MEIS2: variants seen among roughly 807,000 people sequenced by gnomAD.
MEIS2 encodes Meis homeobox 2.
Under a neutral mutation model 58.6 loss-of-function variants are expected in MEIS2, and 9 were observed. The observed-to-expected ratio is 0.15, with a 90% confidence interval of 0.09 to 0.27. MEIS2 has a LOEUF of 0.27. MEIS2 is among the 10% of genes least tolerant of loss of function. The pLI is 1.00. For missense variants in MEIS2, 427 were observed against 635.0 expected (o/e 0.67, Z 3.52); for synonymous variants, 221 against 228.4 (o/e 0.97, Z 0.29).
At chr15:36,971,553 A>AAAAG (rs2059568891) in intron 8 of MEIS2, among the ~76,000 whole-genome samples, 1 of 131,994 alleles carries the variant, frequency 7.6e-6, no homozygotes, top group African/African-American at 3.4e-5. Context: ...AAAAAAAAAA[A>AAAAG]AAAAAAAAAA....
At chr15:36,994,400 G>C (rs772427184) in intron 8 of MEIS2, among the ~76,000 whole-genome samples, 4 of 152,098 alleles carry the variant, frequency 2.6e-5, no homozygotes, top group African/African-American at 4.8e-5. Context: ...TAATTGGTCG[G>C]ATAGTCTTAG....
rs112264829 is a variant in MEIS2, at chr15:37,042,246, C to G, written c.755-5287G>C. On this transcript the variant is annotated intron_variant, in intron 7 of 11. Transcript: ENST00000561208. ...AGCCAAAAATCTTTATTTTGAATAT[C>G]AAGCACATGATTTGGAATGAAAAAA... Among the ~76,000 whole-genome samples the G allele has an allele frequency of 2.5e-3, 385 of 152,284 alleles. 2 individuals carry two copies. The highest frequency in any genetic ancestry group is 8.8e-3 in the African/African-American group (366 of 41,550).
chr15:36,959,623 C>T (rs1409720387), intron 8 of MEIS2, among the ~76,000 whole-genome samples: 4 of 152,074 alleles, frequency 2.6e-5, no homozygotes, highest in Non-Finnish European at 5.9e-5. Flanking sequence ...CACAAAGAGG[C>T]AGAAAATACC....
intron 7 of MEIS2, among the ~76,000 whole-genome samples, chr15:37,061,531 T>C (rs1025998329): frequency 6.6e-6 from 1 of 152,208 alleles, no homozygotes; most frequent in African/African-American, 2.4e-5. Context: ...GTTGCAGAGG[T>C]AGCCGCACTA....
At chr15:36,905,168 G>A (rs745734416) in intron 9 of MEIS2, among the ~76,000 whole-genome samples, 2 of 151,564 alleles carry the variant, frequency 1.3e-5, no homozygotes, top group East Asian at 1.9e-4. Flanking sequence ...ATAAGGACAC[G>A]CACAGACACA....
intron 7 of MEIS2, among the ~76,000 whole-genome samples, chr15:37,052,742 A>G (rs2062974548): frequency 6.6e-6 from 1 of 152,232 alleles, no homozygotes; most frequent in Non-Finnish European, 1.5e-5. Flanking sequence ...ACATAAGAAA[A>G]ATGAAAATAG....
rs374912254 is a variant in MEIS2 at position 36,911,543 on chromosome 15, A to C, written c.978-14857T>G. Among the ~76,000 whole-genome samples the C allele has an allele frequency of 4.1e-4, 62 of 152,298 alleles. 2 individuals are homozygous for C. In the South Asian group the frequency reaches 0.012, roughly 29 times the overall value. Reference sequence around the variant, plus strand: ...AGTGCTGCTTTGGATAATGTATAGCAATGTACATCAAACACTCCCAATCAA... The same window carrying C: ...AGTGCTGCTTTGGATAATGTATAGCCATGTACATCAAACACTCCCAATCAA... On this transcript the variant is annotated intron_variant, in intron 9 of 11. Coordinates refer to ENST00000561208, the MANE Select transcript of MEIS2 (RefSeq NM_170675.5).
intron 9 of MEIS2, among the ~76,000 whole-genome samples, chr15:36,943,926 C>A (rs2058465172): frequency 6.6e-6 from 1 of 151,976 alleles, no homozygotes; most frequent in South Asian, 2.1e-4. Context: ...TAGCTGCTTG[C>A]CCAAATTTGG....
At chr15:36,991,783 CTTTTTTTTTTT>C (rs11285545) in intron 8 of MEIS2, among the ~76,000 whole-genome samples, 94 of 51,042 alleles carry the variant, frequency 1.8e-3, no homozygotes, top group African/African-American at 6.0e-3. Flanking sequence ...TTTTTTTTTT[CTTTTTTTTTTT>C]TTTTTTTTTT....
At chr15:37,096,173 G>A (rs998411651) in intron 3 of MEIS2, 116 bp downstream of exon 3, 32 of 1,178,492 alleles carry the variant, frequency 2.7e-5, no homozygotes, top group Non-Finnish European at 3.5e-5. Flanking sequence ...AGAGCGGACT[G>A]GGCCAGAGGA....
chr15:36,901,109 A>C (rs2056447785), intron 9 of MEIS2: 1 of 152,264 alleles, frequency 6.6e-6, no homozygotes, highest in Non-Finnish European at 1.5e-5. Context: ...CGTTGAAGAG[A>C]GATCAGATCA....
chr15:36,894,798 T>G, intron 11 of MEIS2: 1 of 1,613,082 alleles, frequency 6.2e-7, no homozygotes, highest in South Asian at 1.1e-5. Flanking sequence ...TTCATGCCCA[T>G]TCCACTCATA....
intron 7 of MEIS2, among the ~76,000 whole-genome samples, chr15:37,044,143 A>T (rs1274370894): frequency 6.6e-6 from 1 of 152,206 alleles, no homozygotes; most frequent in African/African-American, 2.4e-5. Flanking sequence ...GACTCAAAGA[A>T]ATTAGATGAC....
chr15:36,890,493 T>C lies in MEIS2; in HGVS notation c.*1680A>G, dbSNP rs1478901935. The C allele has an allele frequency of 2.0e-5, 3 of 152,044 alleles. No homozygotes were observed. The highest frequency in any genetic ancestry group is 4.8e-5 in the African/African-American group (2 of 41,448). The allele number at this position is 152,044 out of a possible 1,614,324, so 9.4% of individuals were successfully genotyped here. A position where few individuals can be genotyped will look rare whatever the true frequency, so the allele number is the denominator to read the frequency against. On this transcript the variant is annotated 3_prime_UTR_variant, in exon 12 of 12. Transcript: ENST00000561208. The stretch of plus-strand genomic sequence containing the variant: ...ATATACCACAATATAATTTATAAAA[T>C]ATTAATGATTAAGTAATCTTTTAAA...
chr15:36,951,643 T>A (rs2058752409), intron 8 of MEIS2, among the ~76,000 whole-genome samples: 2 of 150,678 alleles, frequency 1.3e-5, no homozygotes, highest in African/African-American at 2.4e-5. Flanking sequence ...GCAAAAGGGG[T>A]TAACTAGATT....
chr15:37,052,263 A>C (rs983547553), intron 7 of MEIS2, among the ~76,000 whole-genome samples: 1 of 152,220 alleles, frequency 6.6e-6, no homozygotes, highest in East Asian at 1.9e-4. Flanking sequence ...TAAGGATGAA[A>C]TGGAAGTAAC....
At chr15:36,917,876 C>T (rs897534466) in intron 9 of MEIS2, among the ~76,000 whole-genome samples, 12 of 152,156 alleles carry the variant, frequency 7.9e-5, no homozygotes, top group Non-Finnish European at 1.5e-5. Context: ...CCTCGCTTTG[C>T]TTATCTCATC....
intron 7 of MEIS2, among the ~76,000 whole-genome samples, chr15:37,050,110 G>T (rs1267880992): frequency 6.6e-6 from 1 of 151,962 alleles, no homozygotes; most frequent in South Asian, 2.1e-4. Context: ...CAATTCTATT[G>T]CATCACAGCA....
intron 9 of MEIS2, among the ~76,000 whole-genome samples, chr15:36,908,964 AAAC>A (rs1196814772): frequency 3.9e-5 from 6 of 152,120 alleles, no homozygotes; most frequent in Non-Finnish European, 7.4e-5. Flanking sequence ...AATAATAACA[AAAC>A]AACAACAACA....
Sources: gnomAD v4.1 joint callset for allele counts (sites outside exome capture counted in the v4.1 genomes callset) on GRCh38, gnomAD v4.1.1 for gene constraint, MANE v1.5 for transcripts, NCBI Gene and HGNC (gene_info 2026-07-23, HGNC 2026-07-21) for gene names.